KLHL17: variants seen among roughly 807,000 people sequenced by gnomAD.
The protein encoded by KLHL17 is kelch-like protein 17.
A neutral mutation model predicts 64.6 loss-of-function variants in KLHL17; 71 were observed. The ratio of observed to expected loss-of-function variants is 1.10; its 90% CI spans 0.91 to 1.34. The LOEUF is 1.34. Among genes scored for constraint, KLHL17 ranks in the 40% most tolerant of loss-of-function variants. The probability of loss-of-function intolerance (pLI) is 0.00; values close to 1 mark genes in which losing one functional copy is unlikely to be tolerated. For synonymous variants in KLHL17, 612 were observed against 405.4 expected (o/e 1.51, Z -6.12); for missense variants, 1,140 against 935.0 (o/e 1.22, Z -2.86).
At position 962,837 on chromosome 1, in the gene KLHL17, C is replaced by T. The variant is rs1334919904; in HGVS notation, c.962C>T (p.Pro321Leu). 6.2e-7 allele frequency: 1 copy of T among 1,604,410 alleles called. No individual in the cohort carries two copies. Among genetic ancestry groups the T allele is most frequent in the Non-Finnish European group, 8.5e-7 (1 of 1,177,800 alleles). ...GAGGCCCTGAAGTTCCACCTGCTGC[C>T]TGAGCAGAGGGGCGTCCTAGGCACC... ...LIEALKFHLL[P>L]EQRGVLGTSR... is the part of the protein sequence containing the mutation. The change falls in exon 6 of 12, where the codon CCT (proline) becomes CTT (leucine). Residue 321 changes from proline (P) to leucine (L), a missense_variant. Coordinates refer to ENST00000338591, the MANE Select transcript of KLHL17 (RefSeq NM_198317.3).
rs920384746 is a variant in KLHL17, at chr1:960,810, CG to C, written c.107+15del. On this transcript the variant is annotated intron_variant, in intron 1 of 11. Coordinates refer to ENST00000338591, the MANE Select transcript of KLHL17 (RefSeq NM_198317.3). ...CGCCGCAGCCGCCGGCGTGAGTGGG[CG>C]GGGGTCGGGGCGCGGGGGGCGGCCT... The C allele has an allele frequency of 2.0e-6, 2 of 1,005,108 alleles. No individual in the cohort carries two copies. Among genetic ancestry groups the C allele is most frequent in the African/African-American group, 1.8e-5 (1 of 56,626 alleles). The allele number at this position is 1,005,108 out of a possible 1,614,324, so 62.3% of individuals were successfully genotyped here.
chr1:963,574 C>T (rs1642757133), intron 8 of KLHL17, 70 bp downstream of exon 8: 5 of 1,499,518 alleles, frequency 3.3e-6, no homozygotes, highest in African/African-American at 2.8e-5. Context: ...GTCACCATCA[C>T]AGGGGTCGTA....
At position 963,462 on chromosome 1, in the gene KLHL17, T is replaced by A; in HGVS notation, c.1313T>A (p.Leu438Gln). 1 of 1,611,594 alleles carries A rather than the reference T, an allele frequency of 6.2e-7. No homozygotes were observed. The highest frequency in any genetic ancestry group is 1.3e-5 in the African/African-American group (1 of 75,046). ...CLGVAALHGL[L>Q]YSAGGYDGAS... is the part of the protein sequence containing the mutation. ...GGTGTGGCCGCCTTGCATGGACTCCTGTACTCGGCCGGCGGCTATGACGGG... is the reference window on the plus strand; with the variant it reads ...GGTGTGGCCGCCTTGCATGGACTCCAGTACTCGGCCGGCGGCTATGACGGG... Residue 438 changes from leucine (L) to glutamine (Q), a missense_variant, in exon 8 of 12, where the codon CTG (leucine) becomes CAG (glutamine). Leu to Gln is a moderately radical substitution (Grantham distance 113, BLOSUM62 -2). Coordinates refer to ENST00000338591, the MANE Select transcript of KLHL17 (RefSeq NM_198317.3).
At chr1:961,196 G>T (rs926503539) in intron 1 of KLHL17, 97 bp from the exon 2 acceptor site, 1 of 948,078 alleles carries the variant, frequency 1.1e-6, no homozygotes, top group Non-Finnish European at 1.3e-6. Flanking sequence ...CGTCGCACCA[G>T]GGGCTGGGTC....
Position 965,311 on chromosome 1 carries a change from A to G in KLHL17, c.*120A>G. ...CATCCATTCCTTCATGTCTTTATTT[A>G]GTTGTTTATTTATTTAGTTATTTAT... On this transcript the variant is annotated 3_prime_UTR_variant, in exon 12 of 12. Coordinates refer to ENST00000338591, the MANE Select transcript of KLHL17 (RefSeq NM_198317.3). The G allele has an allele frequency of 2.5e-6, 2 of 786,172 alleles. No homozygotes were observed. Among genetic ancestry groups the G allele is most frequent in the East Asian group, 2.7e-5 (1 of 36,622 alleles). The allele number at this position is 786,172 out of a possible 1,614,324, so 48.7% of individuals were successfully genotyped here.
intron 8 of KLHL17, 186 bp downstream of exon 8, chr1:963,690 C>T (rs1173104965): frequency 9.5e-6 from 8 of 843,104 alleles, no homozygotes; most frequent in South Asian, 5.3e-5. Flanking sequence ...CCTTTCCTCT[C>T]TCGGGTCCTT....
At chr1:964,280 G>C in intron 10 of KLHL17, 69 bp from the exon 11 acceptor site, 1 of 1,588,778 alleles carries the variant, frequency 6.3e-7, no homozygotes, top group Non-Finnish European at 8.6e-7. Context: ...CCCCACCCTG[G>C]AGTCGGGGCT....
chr1:961,438 A>C lies in KLHL17; in HGVS notation c.253A>C (p.Met85Leu). Reference sequence around the variant, plus strand: ...CGATGCCTTCGTGGCCATGAGCCGCATGCGCCAGCGCGGCCTCCTGTGCGA... The same window carrying C: ...CGATGCCTTCGTGGCCATGAGCCGCCTGCGCCAGCGCGGCCTCCTGTGCGA... ...YHDAFVAMSRMRQRGLLCDIV... is the reference protein window; with the variant it reads ...YHDAFVAMSRLRQRGLLCDIV... Residue 85 changes from methionine (M) to leucine (L), a missense_variant, in exon 2 of 12, where the codon ATG becomes CTG. Met to Leu is a conservative substitution (Grantham distance 15, BLOSUM62 2). Coordinates refer to ENST00000338591, the MANE Select transcript of KLHL17 (RefSeq NM_198317.3). 1 of 1,612,214 alleles carries C rather than the reference A, an allele frequency of 6.2e-7. No homozygotes were observed. The highest frequency in any genetic ancestry group is 8.5e-7 in the Non-Finnish European group (1 of 1,179,794).
intron 1 of KLHL17, 130 bp from the exon 2 acceptor site, chr1:961,163 C>A: frequency 3.4e-6 from 2 of 586,826 alleles, no homozygotes; most frequent in African/African-American, 4.0e-5. Flanking sequence ...TGGCGGAGGT[C>A]AGGCGAGGGC....
At position 963,379 on chromosome 1, in the gene KLHL17, C is replaced by T. The variant is rs1642748190; in HGVS notation, c.1230C>T (p.Asp410=). The change falls in exon 8 of 12, where the codon GAC becomes GAT. Residue 410 remains aspartate, a synonymous_variant. Coordinates refer to ENST00000338591, the MANE Select transcript of KLHL17 (RefSeq NM_198317.3). ...TSDLATVESY[D]PVTNTWQPEV... ...ACCTGGCTACCGTGGAGTCCTACGA[C>T]CCCGTGACTAACACGTGGCAGCCGG... 1 of 1,612,558 alleles carries T rather than the reference C, an allele frequency of 6.2e-7. No homozygotes were observed. Among genetic ancestry groups the T allele is most frequent in the Non-Finnish European group, 8.5e-7 (1 of 1,179,812 alleles).
At position 962,236 on chromosome 1, in the gene KLHL17, C is replaced by A. The variant is rs751053945; in HGVS notation, c.712-119C>A. ...GTCTGTGGCTCCTGACTCTGCTCGG[C>A]CCCTCCCAGTATGAACACTCAGCCC... On this transcript the variant is annotated intron_variant, in intron 4 of 11. Coordinates refer to ENST00000338591, the MANE Select transcript of KLHL17 (RefSeq NM_198317.3). The A allele has an allele frequency of 4.6e-6, 7 of 1,517,564 alleles. No homozygotes were observed. In the South Asian group the frequency reaches 7.0e-5, roughly 15 times the overall value. 94.0% of individuals were successfully genotyped at this position (1,517,564 alleles called of 1,614,324 possible). A position where few individuals can be genotyped will look rare whatever the true frequency, so the allele number is the denominator to read the frequency against.
At position 960,729 on chromosome 1, in the gene KLHL17, G is replaced by A. The variant is rs1259890322; in HGVS notation, c.36G>A (p.Thr12=). 4 of 1,333,656 alleles carry A rather than the reference G, an allele frequency of 3.0e-6. No individual in the cohort carries two copies. The highest frequency in any genetic ancestry group is 3.2e-5 in the Admixed American group (1 of 31,386). 82.6% of individuals were successfully genotyped at this position (1,333,656 alleles called of 1,614,324 possible). A position where few individuals can be genotyped will look rare whatever the true frequency, so the allele number is the denominator to read the frequency against. Residue 12 remains threonine (T), a synonymous_variant, in exon 1 of 12, where the codon ACG becomes ACA. Transcript: ENST00000338591. ...QPRSERPAGR[T]QSPEHGSPGP... is the part of the protein sequence containing the mutation. ...GCAGCGAGCGCCCGGCCGGCAGGAC[G>A]CAGAGCCCGGAGCACGGCAGCCCGG...
rs760674692 is a variant in KLHL17 at position 961,912 on chromosome 1, C to T, written c.576C>T (p.Ser192=). The T allele has an allele frequency of 1.2e-5, 20 of 1,612,828 alleles. No individual in the cohort carries two copies. In the African/African-American group the frequency reaches 1.5e-4, roughly 12 times the overall value. Residue 192 remains serine, a synonymous_variant, in exon 4 of 12, where the codon TCC becomes TCT. Coordinates refer to ENST00000338591, the MANE Select transcript of KLHL17 (RefSeq NM_198317.3). ...TTCTACTGAGTCAGCTCGACCCCTC[C>T]AACTGCCTGGGTATCCGGGGCTTTG... The part of the protein sequence containing the change: ...CKFLLSQLDP[S]NCLGIRGFAD...
Position 963,333 on chromosome 1 carries a change from C to A in KLHL17, c.1188-4C>A, listed in dbSNP as rs564884548. On this transcript the variant is annotated splice_polypyrimidine_tract_variant and splice_region_variant and intron_variant, in intron 7 of 11. Transcript: ENST00000338591. ...CTTGACCTGCAGTGGCTTAATTCCG[C>A]TAGCTATGATGGGACCTCAGACCTG... The A allele has an allele frequency of 3.5e-5, 57 of 1,606,832 alleles. No individual in the cohort carries two copies. In the South Asian group the frequency reaches 5.8e-4, roughly 16 times the overall value.
At position 963,272 on chromosome 1, in the gene KLHL17, C is replaced by T. The variant is rs1642742950; in HGVS notation, c.1187+19C>T. 1 of 1,599,282 alleles carries T rather than the reference C, an allele frequency of 6.3e-7. No individual in the cohort carries two copies. The highest frequency in any genetic ancestry group is 8.6e-7 in the Non-Finnish European group (1 of 1,169,226). On this transcript the variant is annotated intron_variant, in intron 7 of 11. Transcript: ENST00000338591. Reference sequence around the variant, plus strand: ...TGGGCGGGTAAGCCTGGAGGCTGGACTTGGGTCGGGTCTGGCACGTGCCCG... The same window carrying T: ...TGGGCGGGTAAGCCTGGAGGCTGGATTTGGGTCGGGTCTGGCACGTGCCCG...
chr1:964,977 T>A lies in KLHL17; in HGVS notation c.1715T>A (p.Leu572Gln). Residue 572 changes from leucine (L) to glutamine (Q), a missense_variant, in exon 12 of 12, where the codon CTG becomes CAG. Physicochemically the swap from Leu to Gln is moderately radical, Grantham distance 113 (BLOSUM62 -2). Transcript: ENST00000338591. ...CTTCCCCCCAGGAGCACGCATGACCTGGTGGCCATGGACGGATGGTTGTAC... is the reference window on the plus strand; with the variant it reads ...CTTCCCCCCAGGAGCACGCATGACCAGGTGGCCATGGACGGATGGTTGTAC... ...PMNIRRSTHD[L>Q]VAMDGWLYAV... is the part of the protein sequence containing the mutation. The A allele has an allele frequency of 6.2e-7, 1 of 1,608,562 alleles. No individual in the cohort carries two copies. The highest frequency in any genetic ancestry group is 8.5e-7 in the Non-Finnish European group (1 of 1,176,958).
intron 9 of KLHL17, 44 bp downstream of exon 9, chr1:964,052 A>C (rs752539777): frequency 1.2e-6 from 2 of 1,612,374 alleles, no homozygotes; most frequent in East Asian, 2.2e-5. Context: ...ACCTTCCCCC[A>C]CCGTGGAGAC....
chr1:961,886 T>A lies in KLHL17; in HGVS notation c.550T>A (p.Phe184Ile). 1 of 1,612,670 alleles carries A rather than the reference T, an allele frequency of 6.2e-7. No homozygotes were observed. Among genetic ancestry groups the A allele is most frequent in the Non-Finnish European group, 8.5e-7 (1 of 1,179,972 alleles). ...LNGVRDACCK[F>I]LLSQLDPSNC... Reference sequence around the variant, plus strand: ...TGGCGTCCGAGACGCTTGCTGCAAGTTTCTACTGAGTCAGCTCGACCCCTC... The same window carrying A: ...TGGCGTCCGAGACGCTTGCTGCAAGATTCTACTGAGTCAGCTCGACCCCTC... Residue 184 changes from phenylalanine (F) to isoleucine (I), a missense_variant, in exon 4 of 12, where the codon TTT becomes ATT. Physicochemically the swap from Phe to Ile is conservative, Grantham distance 21 (BLOSUM62 0). Transcript: ENST00000338591.
In KLHL17 at chr1:961,383, C is replaced by T. The variant is rs780196143; in HGVS notation, c.198C>T (p.Ser66=). 5.6e-6 allele frequency: 9 copies of T among 1,600,528 alleles called. No homozygotes were observed. Among genetic ancestry groups the T allele is most frequent in the Non-Finnish European group, 7.7e-6 (9 of 1,174,568 alleles). ...AVQLLSREGH[S]VAHNSKRHYH... is the part of the protein sequence containing the mutation. ...AGCTGCTGAGCCGCGAGGGCCACAG[C>T]GTGGCCCACAACTCCAAGCGGCACT... Residue 66 remains serine, a synonymous_variant, in exon 2 of 12, where the codon AGC becomes AGT. Coordinates refer to ENST00000338591, the MANE Select transcript of KLHL17 (RefSeq NM_198317.3).
Sources: allele counts gnomAD v4.1 joint callset, GRCh38; gene constraint gnomAD v4.1.1; transcripts MANE v1.5; gene names NCBI Gene and HGNC (gene_info 2026-07-23, HGNC 2026-07-21).